IGDCC3: variants seen among roughly 807,000 people sequenced by gnomAD.
IGDCC3 encodes the protein immunoglobulin superfamily DCC subclass member 3, also known as putative neuronal cell adhesion molecule.
In IGDCC3, 47 loss-of-function variants were observed where a neutral mutation model predicts 72.0. The observed-to-expected ratio is 0.65, with a 90% confidence interval of 0.52 to 0.83. The LOEUF is 0.83. Ranked by LOEUF, IGDCC3 falls within the 40% of genes least tolerant of loss-of-function variation. The probability of loss-of-function intolerance (pLI) is 0.00; values close to 1 mark genes in which losing one functional copy is unlikely to be tolerated. For synonymous variants in IGDCC3, 477 were observed against 472.8 expected, an observed-to-expected ratio of 1.01 and a Z score of -0.11; for missense variants, 1,038 against 1,091.3, an observed-to-expected ratio of 0.95 and a Z score of 0.69.
Position 65,329,525 on chromosome 15 carries a change from G to A in IGDCC3, c.2070C>T (p.Gly690=). The A allele has an allele frequency of 5.6e-6, 9 of 1,605,798 alleles. No individual in the cohort carries two copies. Among genetic ancestry groups the A allele is most frequent in the Non-Finnish European group, 6.8e-6 (8 of 1,177,922 alleles). ...GTCTCGCCCCATTTAGGGCTAGAAT[G>A]CCAGGGTCCCTCTGGCTCCGGGGAC... ...PQGPRSQRDP[G]ILALNGARRG... Residue 690 remains glycine (G), a synonymous_variant, in exon 13 of 14, where the codon GGC becomes GGT. Transcript: ENST00000327987. This position sits in a 1 kb window ranked among gnomAD's most constrained non-coding sequence, Gnocchi z 4.1.
chr15:65,353,930 A>G (rs2091192652), intron 2 of IGDCC3, among the ~76,000 whole-genome samples: 1 of 152,086 alleles, frequency 6.6e-6, no homozygotes. Flanking sequence ...TTTGAGACAG[A>G]GTTTCACTCT....
chr15:65,360,900 C>T (rs143208653), intron 2 of IGDCC3, among the ~76,000 whole-genome samples: 18 of 152,222 alleles, frequency 1.2e-4, no homozygotes, highest in Non-Finnish European at 2.1e-4. Context: ...CTCAGCCTCC[C>T]GAGTAGCTGG....
intron 2 of IGDCC3, among the ~76,000 whole-genome samples, chr15:65,367,477 T>G (rs516456): frequency 1.3e-5 from 2 of 151,604 alleles, no homozygotes; most frequent in African/African-American, 4.9e-5. Flanking sequence ...TGTATACATA[T>G]GTAACTAACC....
At chr15:65,337,519 G>A (rs1451139036) in intron 2 of IGDCC3, among the ~76,000 whole-genome samples, 4 of 152,160 alleles carry the variant, frequency 2.6e-5, no homozygotes, top group African/African-American at 9.7e-5. Flanking sequence ...GGTGGGAGGT[G>A]GGGGCAAGTG....
intron 2 of IGDCC3, among the ~76,000 whole-genome samples, chr15:65,349,082 A>G (rs541071465): frequency 5.3e-4 from 80 of 152,102 alleles, no homozygotes; most frequent in African/African-American, 1.7e-3. Context: ...TATCTTTTCT[A>G]TTACTCAGGG....
chr15:65,360,933 G>A (rs1176463399), intron 2 of IGDCC3, among the ~76,000 whole-genome samples: 1 of 152,076 alleles, frequency 6.6e-6, no homozygotes, highest in Admixed American at 6.5e-5. Context: ...ACACCACCAT[G>A]CCTGGCTAAT....
chr15:65,331,040 C>T lies in IGDCC3; in HGVS notation c.1561+10G>A. ...TGCCTGTGGTTTTGTGCTCCACACC[C>T]AGGCCTCACCTTCACCCAGGGTGCT... On this transcript the variant is annotated intron_variant, in intron 9 of 13. Transcript: ENST00000327987. The T allele has an allele frequency of 6.2e-7, 1 of 1,612,576 alleles. No homozygotes were observed. The highest frequency in any genetic ancestry group is 8.5e-7 in the Non-Finnish European group (1 of 1,179,298).
rs766474516 is a variant in IGDCC3 at position 65,333,350 on chromosome 15, C to T, written c.889G>A (p.Val297Met). The T allele has an allele frequency of 6.2e-6, 10 of 1,612,910 alleles. No individual in the cohort carries two copies. Among genetic ancestry groups the T allele is most frequent in the Admixed American group, 1.7e-5 (1 of 59,890 alleles). ...LGTGNLIISDVTVQHSGVYVC... is the reference protein window; with the variant it reads ...LGTGNLIISDMTVQHSGVYVC... ...TAGACGCCAGAGTGCTGGACCGTCA[C>T]GTCTGAGATGATGAGGTTTCCTGTG... The change falls in exon 6 of 14, where the codon GTG becomes ATG. Residue 297 changes from valine (V) to methionine (M), a missense_variant. Coordinates refer to ENST00000327987, the MANE Select transcript of IGDCC3 (RefSeq NM_004884.4).
At position 65,339,485 on chromosome 15, in the gene IGDCC3, G is replaced by A. The variant is rs981183413; in HGVS notation, c.410-3529C>T. 6.6e-6 allele frequency among the ~76,000 whole-genome samples: 1 copy of A among 152,176 alleles called. No homozygotes were observed. The highest frequency in any genetic ancestry group is 2.4e-5 in the African/African-American group (1 of 41,430). ...GGAAAAGGGATGTTGAGGCCATTTC[G>A]GCCCCCTCTAGTTTCTCAGGGTGGA... On this transcript the variant is annotated intron_variant, in intron 2 of 13. Coordinates refer to ENST00000327987, the MANE Select transcript of IGDCC3 (RefSeq NM_004884.4). The surrounding 1 kb of genome is among the most constrained non-coding windows in gnomAD (Gnocchi z 4.1).
At position 65,329,147 on chromosome 15, in the gene IGDCC3, T is replaced by C. The variant is rs945331948; in HGVS notation, c.2207A>G (p.Gln736Arg). ...ACACGGAGCGGGGGCTGCAGGATCC[T>C]GCTGGGGAAAGAGCCCGTCACACAG... ...AAGQPDPRPT[Q>R]DPAAPAPCEE... Residue 736 changes from glutamine (Q) to arginine (R), a missense_variant and splice_region_variant, in exon 14 of 14, where the codon CAG becomes CGG. Coordinates refer to ENST00000327987, the MANE Select transcript of IGDCC3 (RefSeq NM_004884.4). The surrounding 1 kb of genome is among the most constrained non-coding windows in gnomAD (Gnocchi z 4.1). The C allele has an allele frequency of 1.2e-6, 2 of 1,603,324 alleles. No individual in the cohort carries two copies. The highest frequency in any genetic ancestry group is 1.7e-6 in the Non-Finnish European group (2 of 1,176,012).
At chr15:65,331,917 C>A (rs2090981249) in intron 7 of IGDCC3, 24 bp downstream of exon 7, 1 of 1,606,214 alleles carries the variant, frequency 6.2e-7, no homozygotes, top group Non-Finnish European at 8.5e-7. Flanking sequence ...CTGGTCCTCA[C>A]CCCAGCACAC....
Position 65,329,614 on chromosome 15 carries a change from A to G in IGDCC3, c.1998-17T>C. 6.2e-7 allele frequency: 1 copy of G among 1,613,172 alleles called. No homozygotes were observed. Among genetic ancestry groups the G allele is most frequent in the South Asian group, 1.1e-5 (1 of 91,054 alleles). ...AGGAGGACCCTAAGGGTTAGCCAAGAGTTGGGGGGAGGGAGAGAGAAAAGA... is the reference window on the plus strand; with the variant it reads ...AGGAGGACCCTAAGGGTTAGCCAAGGGTTGGGGGGAGGGAGAGAGAAAAGA... On this transcript the variant is annotated splice_polypyrimidine_tract_variant and intron_variant, in intron 12 of 13. Transcript: ENST00000327987. This position sits in a 1 kb window ranked among gnomAD's most constrained non-coding sequence, Gnocchi z 4.1.
chr15:65,334,680 G>C (rs778504997), intron 5 of IGDCC3, 48 bp downstream of exon 5: 9 of 1,471,278 alleles, frequency 6.1e-6, no homozygotes, highest in Middle Eastern at 2.2e-4. Context: ...GCCCTCCCAG[G>C]GGGTGGGACA....
intron 2 of IGDCC3, among the ~76,000 whole-genome samples, chr15:65,343,548 C>T (rs1350520858): frequency 2.0e-5 from 3 of 152,150 alleles, no homozygotes; most frequent in Non-Finnish European, 4.4e-5. Context: ...GCCTTGATTT[C>T]TCTAGTAAAA....
intron 9 of IGDCC3, 28 bp downstream of exon 9, chr15:65,331,021 TG>T: frequency 6.2e-7 from 1 of 1,609,392 alleles, no homozygotes; most frequent in South Asian, 1.1e-5. Context: ...TGAGTGCCTG[TG>T]GTTTTGTGCT....
rs370814533 is a variant in IGDCC3, at chr15:65,329,179, G to C, written c.2206-31C>G. The C allele has an allele frequency of 1.0e-4, 162 of 1,582,402 alleles. 1 individual carries two copies. Among genetic ancestry groups the C allele is most frequent in the Non-Finnish European group, 1.3e-4 (156 of 1,166,290 alleles). On this transcript the variant is annotated intron_variant, in intron 13 of 13. Coordinates refer to ENST00000327987, the MANE Select transcript of IGDCC3 (RefSeq NM_004884.4). This position sits in a 1 kb window ranked among gnomAD's most constrained non-coding sequence, Gnocchi z 4.1. ...GAAAGAGCCCGTCACACAGGCGTCA[G>C]CTTGAGGGCCAGGGCGCCAGGCTCC...
intron 2 of IGDCC3, 100 bp downstream of exon 2, chr15:65,374,997 G>C: frequency 9.7e-7 from 1 of 1,026,448 alleles, no homozygotes; most frequent in Non-Finnish European, 1.5e-6. Flanking sequence ...CCTCCAGAAG[G>C]CTGCATAAGA....
rs1209568738 is a variant in IGDCC3 at position 65,355,945 on chromosome 15, C to T, written c.409+19152G>A. 1.0e-5 allele frequency: 3 copies of T among 297,272 alleles called. No individual in the cohort carries two copies. In the Admixed American group the frequency reaches 1.1e-4, roughly 11 times the overall value. The allele number at this position is 297,272 out of a possible 1,614,324, so 18.4% of individuals were successfully genotyped here. Reference sequence around the variant, plus strand: ...GGGAAACTGAGGAAGCGGTGCCTGTCTCCCCGAGGAAATAGGCCCTTCACC... The same window carrying T: ...GGGAAACTGAGGAAGCGGTGCCTGTTTCCCCGAGGAAATAGGCCCTTCACC... On this transcript the variant is annotated intron_variant, in intron 2 of 13. Transcript: ENST00000327987.
intron 2 of IGDCC3, among the ~76,000 whole-genome samples, chr15:65,366,226 A>G (rs879466020): frequency 1.3e-5 from 2 of 151,118 alleles, no homozygotes; most frequent in Admixed American, 1.3e-4. Flanking sequence ...AAAAAAAAAA[A>G]AAACTAGCTG....
Sources: gnomAD v4.1 joint callset for allele counts (sites outside exome capture counted in the v4.1 genomes callset) on GRCh38, gnomAD v4.1.1 for gene constraint, Gnocchi (gnomAD v3.1) non-coding constraint, MANE v1.5 for transcripts, NCBI Gene and HGNC (gene_info 2026-07-23, HGNC 2026-07-21) for gene names.